The following MTRF1 variants were observed in gnomAD, a reference collection of about 807,000 sequenced individuals.
MTRF1 encodes the protein peptide chain release factor 1, mitochondrial.
In MTRF1, 51 loss-of-function variants were observed where a neutral mutation model predicts 62.9. The ratio of observed to expected loss-of-function variants is 0.81; its 90% CI spans 0.65 to 1.02. The LOEUF (loss-of-function observed/expected upper bound fraction) is 1.02, where lower values mean the gene tolerates loss of function less well. MTRF1 is among the 50% of genes least tolerant of loss of function. MTRF1 has a pLI of 0.00. For synonymous variants in MTRF1, 158 were observed against 181.9 expected, an observed-to-expected ratio of 0.87 and a Z score of 1.06; for missense variants, 446 against 530.0, an observed-to-expected ratio of 0.84 and a Z score of 1.56.
In MTRF1 at chr13:41,254,631, GA is replaced by G; in HGVS notation, c.416-12del. On this transcript the variant is annotated splice_polypyrimidine_tract_variant and intron_variant, in intron 2 of 9. Coordinates refer to ENST00000379480, the MANE Select transcript of MTRF1 (RefSeq NM_004294.4). ...CTTGTTTATTTAGGCCTAAAAGCCA[GA>G]AACAGAAATAATGATAAAGTTTTTA... 1 of 1,599,512 alleles carries G rather than the reference GA, an allele frequency of 6.3e-7. No individual in the cohort carries two copies. The highest frequency in any genetic ancestry group is 1.7e-4 in the Middle Eastern group (1 of 6,024).
intron 6 of MTRF1, 104 bp from the exon 7 acceptor site, chr13:41,234,111 A>G (rs566834747): frequency 2.2e-6 from 2 of 904,086 alleles, no homozygotes; most frequent in Non-Finnish European, 3.5e-6. Context: ...GATAAATTAT[A>G]GCCTTTAGAC....
chr13:41,220,454 T>C (rs930056600), intron 9 of MTRF1: 11 of 622,956 alleles, frequency 1.8e-5, no homozygotes, highest in Admixed American at 7.5e-5. Context: ...CACAAGGACA[T>C]TGAGAAACAA....
intron 7 of MTRF1, chr13:41,229,631 T>C (rs1319077877): frequency 6.6e-6 from 1 of 152,228 alleles, no homozygotes; most frequent in East Asian, 1.9e-4. Context: ...AGAGTTTTGA[T>C]CACCTTTTAC....
At chr13:41,254,442 A>G in intron 3 of MTRF1, 87 bp downstream of exon 3, 1 of 842,606 alleles carries the variant, frequency 1.2e-6, no homozygotes, top group Non-Finnish European at 1.9e-6. Context: ...GTGTTTGGAA[A>G]CCACTATGAG....
the MTRF1 span, among the ~76,000 whole-genome samples, chr13:41,297,485 C>T: frequency 3.6e-4 from 55 of 152,238 alleles, no homozygotes; most frequent in Non-Finnish European, 6.2e-4. Context: ...AGTAACTTGC[C>T]ATTACACATA....
upstream of MTRF1, among the ~76,000 whole-genome samples, chr13:41,265,934 C>T (rs923775536): frequency 3.3e-5 from 5 of 152,146 alleles, no homozygotes; most frequent in Non-Finnish European, 7.4e-5. Flanking sequence ...ACTGCAACTT[C>T]TGTCTCCCGG....
At chr13:41,283,040 G>A in the MTRF1 span, among the ~76,000 whole-genome samples, 1 of 152,180 alleles carries the variant, frequency 6.6e-6, no homozygotes, top group East Asian at 1.9e-4. Context: ...TTTGATTGGG[G>A]TGGTATCCTC....
the MTRF1 span, among the ~76,000 whole-genome samples, chr13:41,275,773 G>A: frequency 0.052 from 7,909 of 152,174 alleles, 274 homozygotes; most frequent in Non-Finnish European, 0.073. Flanking sequence ...GATTACAGGC[G>A]TGAACCACTG....
the MTRF1 span, among the ~76,000 whole-genome samples, chr13:41,275,671 T>G: frequency 4.6e-5 from 7 of 152,004 alleles, no homozygotes; most frequent in Non-Finnish European, 8.8e-5. Context: ...TTTTGTATTT[T>G]TAGTAGAGAC....
chr13:41,232,299 T>C (rs768681068), intron 7 of MTRF1, among the ~76,000 whole-genome samples: 3 of 148,484 alleles, frequency 2.0e-5, no homozygotes, highest in Non-Finnish European at 4.5e-5. Flanking sequence ...TTTTTTACAA[T>C]CAGAAAAAAG....
At chr13:41,225,701 C>A (rs1208380163) in intron 8 of MTRF1, among the ~76,000 whole-genome samples, 5 of 150,658 alleles carry the variant, frequency 3.3e-5, no homozygotes, top group Non-Finnish European at 5.9e-5. Context: ...CCCAGCTACT[C>A]AGGAGGCTGA....
chr13:41,280,973 C>T, the MTRF1 span, among the ~76,000 whole-genome samples: 5,044 of 152,138 alleles, frequency 0.033, 268 homozygotes, highest in African/African-American at 0.11. Context: ...GTTGAGGTGA[C>T]GTGGGGAAGA....
upstream of MTRF1, among the ~76,000 whole-genome samples, chr13:41,264,377 A>G (rs1170056931): frequency 1.3e-5 from 2 of 152,258 alleles, no homozygotes; most frequent in Non-Finnish European, 2.9e-5. Flanking sequence ...CAGTTAATAA[A>G]CAATTGCAGG....
rs2040294228 is a variant in MTRF1, at chr13:41,260,298, G to A, written c.415+195C>T. 2.0e-5 allele frequency among the ~76,000 whole-genome samples: 3 copies of A among 151,896 alleles called. No individual in the cohort carries two copies. In the South Asian group the frequency reaches 6.2e-4, roughly 32 times the overall value. On this transcript the variant is annotated intron_variant, in intron 2 of 9. Coordinates refer to ENST00000379480, the MANE Select transcript of MTRF1 (RefSeq NM_004294.4). ...GGGGCCAGGACTTACAGGTTACAGT[G>A]AGCTACGATTGAGTCACTGCACTCC...
chr13:41,242,519 T>G (rs1485444227), intron 5 of MTRF1, among the ~76,000 whole-genome samples: 1 of 152,210 alleles, frequency 6.6e-6, no homozygotes, highest in Non-Finnish European at 1.5e-5. Context: ...GGTTATAATT[T>G]CTAAGCCTTT....
the MTRF1 span, chr13:41,287,893 A>C: frequency 2.6e-6 from 1 of 391,526 alleles, no homozygotes; most frequent in South Asian, 2.4e-5. Context: ...TTCCTGGCTA[A>C]AAACTGCAGA....
intron 5 of MTRF1, among the ~76,000 whole-genome samples, chr13:41,250,714 G>A (rs539531779): frequency 5.3e-5 from 8 of 152,182 alleles, no homozygotes; most frequent in East Asian, 3.9e-4. Flanking sequence ...GGCTGGTCTC[G>A]AACTGTCTCC....
the MTRF1 span, among the ~76,000 whole-genome samples, chr13:41,296,371 G>A: frequency 6.6e-6 from 1 of 152,134 alleles, no homozygotes; most frequent in East Asian, 1.9e-4. Flanking sequence ...ACTGTACCCA[G>A]CCCATGATTC....
intron 8 of MTRF1, 50 bp from the exon 9 acceptor site, chr13:41,223,404 A>T (rs770610541): frequency 1.6e-5 from 24 of 1,457,422 alleles, no homozygotes; most frequent in Non-Finnish European, 2.2e-5. Context: ...AAATGTCTTC[A>T]TTACAATGGA....
Sources: gnomAD v4.1 joint callset for allele counts (sites outside exome capture counted in the v4.1 genomes callset) on GRCh38, gnomAD v4.1.1 for gene constraint, MANE v1.5 for transcripts, NCBI Gene and HGNC (gene_info 2026-07-23, HGNC 2026-07-21) for gene names.